The following CEP128 variants were observed in gnomAD, a reference collection of about 807,000 sequenced individuals.
The protein encoded by CEP128 is centrosomal protein 128kDa.
Under a neutral mutation model 156.7 loss-of-function variants are expected in CEP128, and 132 were observed. The ratio of observed to expected loss-of-function variants is 0.84; its 90% confidence interval spans 0.73 to 0.97. The LOEUF (loss-of-function observed/expected upper bound fraction) is 0.97. CEP128 is among the 50% of genes least tolerant of loss of function. The pLI, the probability that CEP128 is intolerant of heterozygous loss-of-function variation, is 0.00. For synonymous variants in CEP128, 469 were observed against 448.9 expected, an observed-to-expected ratio of 1.04 and a Z score of -0.57; for missense variants, 1,252 against 1,281.9, an observed-to-expected ratio of 0.98 and a Z score of 0.36.
intron 14 of CEP128, among the ~76,000 whole-genome samples, 200 bp from the exon 15 acceptor site, chr14:80,785,745 A>G (rs1322302497): frequency 6.6e-6 from 1 of 152,188 alleles, no homozygotes; most frequent in Non-Finnish European, 1.5e-5. Flanking sequence ...TTGTCCTGAA[A>G]TAGCAACACA....
At chr14:80,959,203 G>T (rs1272763743) in intron 1 of CEP128, among the ~76,000 whole-genome samples, 1 of 152,068 alleles carries the variant, frequency 6.6e-6, no homozygotes, top group East Asian at 1.9e-4. Flanking sequence ...TGAGTGGAAG[G>T]TGAGGGAGAG....
intron 9 of CEP128, among the ~76,000 whole-genome samples, chr14:80,848,257 C>G (rs1016332180): frequency 2.0e-5 from 3 of 152,174 alleles, no homozygotes; most frequent in African/African-American, 7.2e-5. Context: ...AAATTCCTAG[C>G]TGTGGGAACA....
chr14:80,807,947 A>G (rs79783295), intron 13 of CEP128, among the ~76,000 whole-genome samples: 219 of 152,334 alleles, frequency 1.4e-3, no homozygotes, highest in African/African-American at 4.2e-3. Context: ...CTAGTACTCT[A>G]GCACACAGGA....
chr14:80,673,893 T>C (rs12891051), intron 19 of CEP128, among the ~76,000 whole-genome samples: 5 of 151,796 alleles, frequency 3.3e-5, no homozygotes, highest in Admixed American at 3.3e-4. Flanking sequence ...GCAGAAATAA[T>C]AAATAATGGA....
chr14:80,831,160 A>T lies in CEP128; in HGVS notation c.1192T>A (p.Leu398Met), dbSNP rs1258143457. The T allele has an allele frequency of 1.2e-6, 2 of 1,613,940 alleles. No homozygotes were observed. The highest frequency in any genetic ancestry group is 2.7e-5 in the African/African-American group (2 of 75,012). Residue 398 changes from leucine to methionine, a missense_variant, in exon 13 of 25, where the codon TTG becomes ATG. Coordinates refer to ENST00000555265, the MANE Select transcript of CEP128 (RefSeq NM_152446.5). ...MERKDKEKAH[L>M]ASQVENLTRE... ...AAAGTCACCTCTACTTGTGATGCCA[A>T]ATGTGCTTTCTCCTTGTCTTTTCTC...
intron 19 of CEP128, among the ~76,000 whole-genome samples, chr14:80,585,272 G>A (rs1418865005): frequency 6.6e-6 from 1 of 152,206 alleles, no homozygotes; most frequent in Non-Finnish European, 1.5e-5. Context: ...CAAGTTTTTG[G>A]CTAAGATAGT....
At chr14:80,539,698 C>A (rs1003887506) in intron 21 of CEP128, among the ~76,000 whole-genome samples, 3 of 152,056 alleles carry the variant, frequency 2.0e-5, no homozygotes, top group African/African-American at 7.2e-5. Context: ...TGACTGCCTG[C>A]GGGGTCAGGC....
intron 19 of CEP128, among the ~76,000 whole-genome samples, chr14:80,700,789 T>C (rs765680369): frequency 1.3e-5 from 2 of 152,184 alleles, no homozygotes; most frequent in East Asian, 1.9e-4. Context: ...TCAAGCACAA[T>C]AGGCTTGTAA....
intron 19 of CEP128, among the ~76,000 whole-genome samples, chr14:80,621,415 G>C (rs1893474622): frequency 6.6e-6 from 1 of 152,042 alleles, no homozygotes; most frequent in Non-Finnish European, 1.5e-5. Flanking sequence ...AAGAACTTAA[G>C]ACAAAAGCTA....
At chr14:80,821,691 T>A (rs991258418) in intron 13 of CEP128, among the ~76,000 whole-genome samples, 1 of 151,130 alleles carries the variant, frequency 6.6e-6, no homozygotes, top group East Asian at 1.9e-4. Flanking sequence ...TTTTTTTTTT[T>A]AAGAGATGAA....
intron 21 of CEP128, among the ~76,000 whole-genome samples, chr14:80,533,924 T>C (rs1889353016): frequency 6.6e-6 from 1 of 152,090 alleles, no homozygotes; most frequent in South Asian, 2.1e-4. Context: ...AGCATTTAGC[T>C]CACCCAGGGG....
At chr14:80,766,128 G>C (rs1900227092) in intron 16 of CEP128, among the ~76,000 whole-genome samples, 1 of 152,152 alleles carries the variant, frequency 6.6e-6, no homozygotes, top group Non-Finnish European at 1.5e-5. Flanking sequence ...CTATCCATCT[G>C]CGCTGAAGAA....
At chr14:80,654,859 T>A (rs1321269652) in intron 19 of CEP128, among the ~76,000 whole-genome samples, 1 of 152,102 alleles carries the variant, frequency 6.6e-6, no homozygotes, top group Non-Finnish European at 1.5e-5. Flanking sequence ...ACACGTCCTT[T>A]AGAGGCTACA....
At chr14:80,758,820 T>C (rs1036853547) in intron 17 of CEP128, among the ~76,000 whole-genome samples, 7 of 152,194 alleles carry the variant, frequency 4.6e-5, no homozygotes, top group African/African-American at 1.4e-4. Flanking sequence ...TTCTATATCT[T>C]ACCTCACTTT....
At chr14:80,627,407 T>A (rs1418724236) in intron 19 of CEP128, among the ~76,000 whole-genome samples, 1 of 152,232 alleles carries the variant, frequency 6.6e-6, no homozygotes, top group Non-Finnish European at 1.5e-5. Context: ...TAAATATTCA[T>A]GCTCAAAGAT....
chr14:80,694,131 T>G (rs566001189), intron 19 of CEP128, among the ~76,000 whole-genome samples: 147 of 152,306 alleles, frequency 9.7e-4, no homozygotes, highest in Non-Finnish European at 1.7e-3. Context: ...ACAAGACATT[T>G]ATGTGGCCAA....
At chr14:80,589,691 G>A (rs1379776640) in intron 19 of CEP128, among the ~76,000 whole-genome samples, 1 of 152,072 alleles carries the variant, frequency 6.6e-6, no homozygotes, top group Non-Finnish European at 1.5e-5. Flanking sequence ...AACCTATAAA[G>A]TTTAGTCATC....
At chr14:80,526,810 G>A (rs1348529354) in intron 23 of CEP128, 59 bp downstream of exon 23, 32 of 900,122 alleles carry the variant, frequency 3.6e-5, no homozygotes, top group Non-Finnish European at 5.6e-5. Flanking sequence ...TGCTTAAGAG[G>A]TTGTAGCCTT....
intron 9 of CEP128, among the ~76,000 whole-genome samples, chr14:80,844,253 A>G (rs1259378362): frequency 6.6e-6 from 1 of 152,084 alleles, no homozygotes; most frequent in Non-Finnish European, 1.5e-5. Flanking sequence ...TAATTTAAAA[A>G]TAGCTAGGTG....
Sources: allele counts gnomAD v4.1 joint callset (sites outside exome capture counted in the v4.1 genomes callset), GRCh38; gene constraint gnomAD v4.1.1; transcripts MANE v1.5; gene names NCBI Gene and HGNC (gene_info 2026-07-23, HGNC 2026-07-21).